Variants in ATG4B observed in about 807,000 individuals in gnomAD.
ATG4B encodes the protein autophagy related 4B cysteine peptidase.
ATG4B carries 29 observed loss-of-function variants against 56.6 expected under a neutral mutation model. That is an observed-to-expected ratio of 0.51 (90% CI 0.38 to 0.70). The LOEUF (loss-of-function observed/expected upper bound fraction) is 0.70, where lower values mean the gene tolerates loss of function less well. ATG4B is among the 30% of genes least tolerant of loss of function. The probability of loss-of-function intolerance (pLI) is 0.00; values close to 1 mark genes in which losing one functional copy is unlikely to be tolerated. For synonymous variants in ATG4B, 224 were observed against 206.1 expected, an observed-to-expected ratio of 1.09 and a Z score of -0.74; for missense variants, 461 against 515.5, an observed-to-expected ratio of 0.89 and a Z score of 1.02.
Position 241,653,527 on chromosome 2 carries a change from C to T in ATG4B, c.200C>T (p.Thr67Ile), listed in dbSNP as rs1177149078. 1 of 1,581,556 alleles carries T rather than the reference C, an allele frequency of 6.3e-7. No homozygotes were observed. The highest frequency in any genetic ancestry group is 1.3e-5 in the African/African-American group (1 of 74,424). ...NFPAIGGTGP[T>I]SDTGWGCMLR... The stretch of plus-strand genomic sequence containing the variant: ...GCCACGACAGGGGGGACAGGCCCCA[C>T]CTCGGACACAGGCTGGGGCTGCATG... The change falls in exon 4 of 13, where the codon ACC becomes ATC. Residue 67 changes from threonine to isoleucine, a missense_variant. Physicochemically the swap from Thr to Ile is moderately conservative, Grantham distance 89. Coordinates refer to ENST00000404914, the MANE Select transcript of ATG4B (RefSeq NM_013325.5).
At position 241,672,399 on chromosome 2, in the gene ATG4B, C is replaced by T. The variant is rs755575441; in HGVS notation, c.*135C>T. 9.9e-5 allele frequency: 78 copies of T among 791,510 alleles called. No individual in the cohort carries two copies. The highest frequency in any genetic ancestry group is 7.2e-4 in the Middle Eastern group (2 of 2,794). The allele number at this position is 791,510 out of a possible 1,614,324, so 49.0% of individuals were successfully genotyped here. On this transcript the variant is annotated 3_prime_UTR_variant, in exon 13 of 13. Transcript: ENST00000404914. ...CCCCCAGAGGGCCACCCGCTGTGCTCGTGGACTGAGGCTGCGCTGCCCGGG... is the reference window on the plus strand; with the variant it reads ...CCCCCAGAGGGCCACCCGCTGTGCTTGTGGACTGAGGCTGCGCTGCCCGGG...
chr2:241,658,414 A>C (rs1031966361), intron 6 of ATG4B, among the ~76,000 whole-genome samples: 4 of 151,726 alleles, frequency 2.6e-5, no homozygotes, highest in Non-Finnish European at 5.9e-5. Context: ...CTCCACCCCC[A>C]CCCAGCTCCC....
intron 7 of ATG4B, among the ~76,000 whole-genome samples, chr2:241,664,761 C>A (rs752879678): frequency 1.3e-5 from 2 of 151,812 alleles, no homozygotes; most frequent in Non-Finnish European, 2.9e-5. Flanking sequence ...GTCAGGAGTT[C>A]GAGACCAGCC....
chr2:241,646,674 T>C (rs2068069119), intron 1 of ATG4B, among the ~76,000 whole-genome samples: 1 of 152,180 alleles, frequency 6.6e-6, no homozygotes, highest in Admixed American at 6.5e-5. Flanking sequence ...CAGGGCACTG[T>C]GTTGCCAGCT....
chr2:241,659,102 C>A lies in ATG4B; in HGVS notation c.459-6C>A. 6.3e-7 allele frequency: 1 copy of A among 1,593,958 alleles called. No individual in the cohort carries two copies. Among genetic ancestry groups the A allele is most frequent in the Non-Finnish European group, 8.6e-7 (1 of 1,165,974 alleles). On this transcript the variant is annotated splice_region_variant and splice_polypyrimidine_tract_variant and intron_variant, in intron 6 of 12. Coordinates refer to ENST00000404914, the MANE Select transcript of ATG4B (RefSeq NM_013325.5). ...AAGCTTATGGTCATTCTCCTACTCT[C>A]TGTAGGAAGCTTGCTGTCTTCGATA...
Position 241,667,851 on chromosome 2 carries a change from C to T in ATG4B, c.733-292C>T, listed in dbSNP as rs958231045. ...AGGTCAAAGCACTCAGCAGGGCCAC[C>T]TCCCGCACCCCTGCTCACATCTCCT... On this transcript the variant is annotated intron_variant, in intron 8 of 12. Transcript: ENST00000404914. The T allele has an allele frequency of 1.3e-5, 5 of 388,666 alleles. No homozygotes were observed. In the East Asian group the frequency reaches 2.5e-4, roughly 19 times the overall value. The allele number at this position is 388,666 out of a possible 1,614,324, so 24.1% of individuals were successfully genotyped here.
At position 241,654,884 on chromosome 2, in the gene ATG4B, G is replaced by C. The variant is rs1041433323; in HGVS notation, c.385+237G>C. ...GCCTTGCCCTTCCTGCTGTCCATGC[G>C]GCTTGCAGTGCCTGGTGCTCGGCAC... is the stretch of plus-strand genomic sequence containing the variant. On this transcript the variant is annotated intron_variant, in intron 5 of 12. Coordinates refer to ENST00000404914, the MANE Select transcript of ATG4B (RefSeq NM_013325.5). 17 of 580,904 alleles carry C rather than the reference G, an allele frequency of 2.9e-5. No homozygotes were observed. The African/African-American group carries it at 3.2e-4, about 11-fold the overall frequency. 36.0% of individuals were successfully genotyped at this position (580,904 alleles called of 1,614,324 possible).
At position 241,651,754 on chromosome 2, in the gene ATG4B, A is replaced by G. The variant is rs927747482; in HGVS notation, c.184+419A>G. 3 of 524,730 alleles carry G rather than the reference A, an allele frequency of 5.7e-6. No homozygotes were observed. Among genetic ancestry groups the G allele is most frequent in the South Asian group, 5.6e-5 (3 of 53,778 alleles). The allele number at this position is 524,730 out of a possible 1,614,324, so 32.5% of individuals were successfully genotyped here. ...AATGTGTTTCTTACTTAGGTCCAGA[A>G]TGTTTGGAAGCCATTCTCTGTAGCC... On this transcript the variant is annotated intron_variant, in intron 3 of 12. Transcript: ENST00000404914. This position sits in a 1 kb window ranked among gnomAD's most constrained non-coding sequence, Gnocchi z 4.1.
chr2:241,664,739 A>G (rs955630062), intron 7 of ATG4B, among the ~76,000 whole-genome samples: 2 of 152,018 alleles, frequency 1.3e-5, no homozygotes, highest in Admixed American at 6.6e-5. Context: ...TGAGGTGAGC[A>G]GATCACTTGA....
chr2:241,654,141 G>A (rs1192145117), intron 4 of ATG4B, among the ~76,000 whole-genome samples: 2 of 151,980 alleles, frequency 1.3e-5, no homozygotes, highest in East Asian at 3.9e-4. Flanking sequence ...AAAGATTCTG[G>A]GCTGGGTGTG....
chr2:241,668,045 G>A lies in ATG4B; in HGVS notation c.733-98G>A, dbSNP rs1033972011. The A allele has an allele frequency of 8.3e-7, 1 of 1,198,762 alleles. No homozygotes were observed. The highest frequency in any genetic ancestry group is 1.4e-5 in the South Asian group (1 of 71,658). 74.3% of individuals were successfully genotyped at this position (1,198,762 alleles called of 1,614,324 possible). A position where few individuals can be genotyped will look rare whatever the true frequency, so the allele number is the denominator to read the frequency against. ...CTCCTGTCCCCTCTTGTGTCACCCAGTTGGGCCTCAGCAGGCCCTTGGGCC... is the reference window on the plus strand; with the variant it reads ...CTCCTGTCCCCTCTTGTGTCACCCAATTGGGCCTCAGCAGGCCCTTGGGCC... On this transcript the variant is annotated intron_variant, in intron 8 of 12. Transcript: ENST00000404914. The surrounding 1 kb of genome is among the most constrained non-coding windows in gnomAD (Gnocchi z 4.2).
intron 12 of ATG4B, 135 bp downstream of exon 12, chr2:241,671,540 CTG>C (rs1235498997): frequency 1.9e-6 from 3 of 1,540,432 alleles, no homozygotes; most frequent in East Asian, 4.9e-5. Context: ...AGTGGTTCGC[CTG>C]TGAGACCAGG....
At chr2:241,662,849 G>T (rs2068631358) in intron 7 of ATG4B, among the ~76,000 whole-genome samples, 1 of 151,822 alleles carries the variant, frequency 6.6e-6, no homozygotes, top group African/African-American at 2.4e-5. Flanking sequence ...AATAAAGTGG[G>T]CCGGGCGCGG....
At chr2:241,666,989 G>C (rs1018954842) in intron 8 of ATG4B, among the ~76,000 whole-genome samples, 151 bp downstream of exon 8, 3 of 152,226 alleles carry the variant, frequency 2.0e-5, no homozygotes, top group South Asian at 2.1e-4. Context: ...TGCCCAAGGG[G>C]TGAGTGGGCG....
chr2:241,648,965 A>G (rs2068147190), intron 1 of ATG4B, among the ~76,000 whole-genome samples: 2 of 152,244 alleles, frequency 1.3e-5, no homozygotes, highest in Non-Finnish European at 2.9e-5. Flanking sequence ...CAGAGCGGAC[A>G]TTGCAGCCCT....
intron 1 of ATG4B, among the ~76,000 whole-genome samples, chr2:241,648,261 A>G (rs1559252316): frequency 6.6e-6 from 1 of 152,232 alleles, no homozygotes. Flanking sequence ...AGTTTGGTTG[A>G]TAATGTCTCT....
chr2:241,653,517 A>G lies in ATG4B; in HGVS notation c.190A>G (p.Thr64Ala). Residue 64 changes from threonine to alanine, a missense_variant, in exon 4 of 13, where the codon ACA becomes GCA. By Grantham distance (58) the Thr-to-Ala change is moderately conservative. Transcript: ENST00000404914. ...YRKNFPAIGG[T>A]GPTSDTGWGC... is the part of the protein sequence containing the mutation. ...CTCTCTGTCTGCCACGACAGGGGGG[A>G]CAGGCCCCACCTCGGACACAGGCTG... 6.3e-7 allele frequency: 1 copy of G among 1,578,154 alleles called. No individual in the cohort carries two copies. The highest frequency in any genetic ancestry group is 8.6e-7 in the Non-Finnish European group (1 of 1,161,992).
chr2:241,641,991 G>T (rs1312467925), intron 1 of ATG4B, among the ~76,000 whole-genome samples: 1 of 151,852 alleles, frequency 6.6e-6, no homozygotes, highest in East Asian at 1.9e-4. Context: ...TCTTGTGCTT[G>T]CATTTCTAGT....
At chr2:241,639,757 A>T (rs1342334433) in intron 1 of ATG4B, among the ~76,000 whole-genome samples, 3 of 152,318 alleles carry the variant, frequency 2.0e-5, no homozygotes, top group East Asian at 3.9e-4. Flanking sequence ...GTCTGTGAGT[A>T]TGCAAAAAAG....
Sources: gnomAD v4.1 joint callset for allele counts (sites outside exome capture counted in the v4.1 genomes callset) on GRCh38, gnomAD v4.1.1 for gene constraint, Gnocchi (gnomAD v3.1) non-coding constraint, MANE v1.5 for transcripts, NCBI Gene and HGNC (gene_info 2026-07-23, HGNC 2026-07-21) for gene names.